Variants in MRE11 observed in about 807,000 individuals in gnomAD.
MRE11 encodes double-strand break repair protein MRE11.
MRE11 carries 62 observed loss-of-function variants against 91.7 expected under a neutral mutation model. The ratio of observed to expected loss-of-function variants is 0.68; its 90% CI spans 0.55 to 0.84. The LOEUF is 0.84. Ranked by LOEUF, MRE11 falls within the 40% of genes least tolerant of loss-of-function variation. The pLI is 0.00. For missense variants in MRE11, 796 were observed against 852.9 expected, an observed-to-expected ratio of 0.93 and a Z score of 0.83; for synonymous variants, 273 against 271.4, an observed-to-expected ratio of 1.01 and a Z score of -0.06.
chr11:94,500,147 A>G, the MRE11 span, among the ~76,000 whole-genome samples: 354 of 152,300 alleles, frequency 2.3e-3, 2 homozygotes, highest in African/African-American at 8.1e-3. Flanking sequence ...ATCCAAGCAG[A>G]CTGCTGAATG....
At chr11:94,496,880 T>C, upstream of MRE11, 1 of 1,613,420 alleles carries the variant, frequency 6.2e-7, no homozygotes, top group Non-Finnish European at 8.5e-7. Context: ...TGAAGAGTGG[T>C]ATCGATTGCA....
chr11:94,419,385 C>T lies in MRE11; in HGVS notation c.*740G>A, dbSNP rs1255215800. 5 of 231,910 alleles carry T rather than the reference C, an allele frequency of 2.2e-5. No individual in the cohort carries two copies. Among genetic ancestry groups the T allele is most frequent in the Non-Finnish European group, 4.2e-5 (5 of 117,732 alleles). 14.4% of individuals were successfully genotyped at this position (231,910 alleles called of 1,614,324 possible). A position where few individuals can be genotyped will look rare whatever the true frequency, so the allele number is the denominator to read the frequency against. On this transcript the variant is annotated 3_prime_UTR_variant, in exon 20 of 20. Coordinates refer to ENST00000323929, the MANE Select transcript of MRE11 (RefSeq NM_005591.4). ...TAAAACAATTTTTAACCCGTTTCCTCCTAGAACTAGGCACGCATATATGTA... is the reference window on the plus strand; with the variant it reads ...TAAAACAATTTTTAACCCGTTTCCTTCTAGAACTAGGCACGCATATATGTA...
chr11:94,459,700 G>T, intron 12 of MRE11, 119 bp from the exon 13 acceptor site: 1 of 1,087,300 alleles, frequency 9.2e-7, no homozygotes, highest in Non-Finnish European at 1.3e-6. Flanking sequence ...AACAGCTGTA[G>T]TTAAGCCTAC....
chr11:94,447,518 G>T, intron 14 of MRE11, 80 bp from the exon 15 acceptor site: 1 of 1,346,862 alleles, frequency 7.4e-7, no homozygotes, highest in Non-Finnish European at 1.1e-6. Flanking sequence ...GCATTGACAT[G>T]AACTAATCAT....
At chr11:94,475,033 C>T (rs1240926443) in intron 7 of MRE11, among the ~76,000 whole-genome samples, 1 of 152,114 alleles carries the variant, frequency 6.6e-6, no homozygotes, top group Non-Finnish European at 1.5e-5. Flanking sequence ...TAAGGTAACA[C>T]AAGTCAGCCT....
At position 94,415,824 on chromosome 11, in the gene MRE11, T is replaced by G. The variant is rs1261966345; in HGVS notation, c.*4301A>C. On this transcript the variant is annotated 3_prime_UTR_variant, in exon 20 of 20. Transcript: ENST00000323929. ...GGTTCTTATCGATTGATGGATAGAT[T>G]GATTGAGACAGAGTCTTGCTCTGTT... is the stretch of plus-strand genomic sequence containing the variant. 6.6e-6 allele frequency: 1 copy of G among 152,238 alleles called. No individual in the cohort carries two copies. The highest frequency in any genetic ancestry group is 1.5e-5 in the Non-Finnish European group (1 of 68,072). 9.4% of individuals were successfully genotyped at this position (152,238 alleles called of 1,614,324 possible).
intron 14 of MRE11, among the ~76,000 whole-genome samples, chr11:94,449,460 G>A (rs1260596187): frequency 2.0e-5 from 3 of 152,108 alleles, no homozygotes; most frequent in Admixed American, 6.5e-5. Context: ...CAACACTCAC[G>A]ATACTTTTGG....
chr11:94,420,159 A>G lies in MRE11; in HGVS notation c.2093T>C (p.Met698Thr), dbSNP rs1945133002. The G allele has an allele frequency of 6.3e-7, 1 of 1,582,560 alleles. No individual in the cohort carries two copies. The highest frequency in any genetic ancestry group is 8.6e-7 in the Non-Finnish European group (1 of 1,157,522). ...ATTTCTTCTTAAAGAACTAGTGTTCATAAAAGGATCATCATCATCATCCTG... is the reference window on the plus strand; with the variant it reads ...ATTTCTTCTTAAAGAACTAGTGTTCGTAAAAGGATCATCATCATCATCCTG... The part of the protein sequence containing the change: ...SSEDDDDDPF[M>T]NTSSLRRNRR The change falls in exon 20 of 20, where the codon ATG becomes ACG. Residue 698 changes from methionine to threonine, a missense_variant. Transcript: ENST00000323929.
chr11:94,459,667 G>C, intron 12 of MRE11, 86 bp from the exon 13 acceptor site: 1 of 1,397,166 alleles, frequency 7.2e-7, no homozygotes, highest in Non-Finnish European at 9.9e-7. Context: ...TACCAAATAT[G>C]TTACCAGAGA....
chr11:94,490,871 T>C lies in MRE11; in HGVS notation c.115A>G (p.Thr39Ala). ...DAVRGNDTFV[T>A]LDEILRLAQE... is the part of the protein sequence containing the mutation. Reference sequence around the variant, plus strand: ...GCAAGTCTTAAAATTTCATCGAGTGTTACAAACGTATCATTTCCTCTGACT... The same window carrying C: ...GCAAGTCTTAAAATTTCATCGAGTGCTACAAACGTATCATTTCCTCTGACT... Residue 39 changes from threonine (T) to alanine (A), a missense_variant, in exon 3 of 20, where the codon ACA becomes GCA. By Grantham distance (58) the Thr-to-Ala change is moderately conservative. Transcript: ENST00000323929. 1.9e-6 allele frequency: 3 copies of C among 1,613,518 alleles called. No homozygotes were observed. The highest frequency in any genetic ancestry group is 2.5e-6 in the Non-Finnish European group (3 of 1,179,696).
intron 17 of MRE11, among the ~76,000 whole-genome samples, chr11:94,436,411 A>C (rs1945615786): frequency 6.6e-6 from 1 of 152,246 alleles, no homozygotes; most frequent in African/African-American, 2.4e-5. Flanking sequence ...TTATCTTGAC[A>C]TTTGATACAT....
intron 14 of MRE11, among the ~76,000 whole-genome samples, chr11:94,453,258 T>C (rs1407007330): frequency 5.9e-5 from 9 of 152,358 alleles, no homozygotes; most frequent in Admixed American, 1.3e-4. Context: ...TTTCCACTTT[T>C]CGGCTATTGT....
intron 10 of MRE11, among the ~76,000 whole-genome samples, chr11:94,464,712 T>A (rs1036768801): frequency 1.3e-5 from 2 of 152,214 alleles, no homozygotes; most frequent in African/African-American, 4.8e-5. Context: ...GAATCAAATC[T>A]GTGAGCCTTG....
upstream of MRE11, chr11:94,498,416 C>T (rs757456453): frequency 6.2e-7 from 1 of 1,613,452 alleles, no homozygotes; most frequent in Non-Finnish European, 8.5e-7. Context: ...TTACGTCAAA[C>T]CAGGGCTGAA....
At chr11:94,504,648 G>A in the MRE11 span, among the ~76,000 whole-genome samples, 9 of 152,240 alleles carry the variant, frequency 5.9e-5, no homozygotes, top group South Asian at 2.1e-4. Context: ...CTACTTTTCC[G>A]AAGAAAAACG....
chr11:94,491,108 C>G lies in MRE11; in HGVS notation c.21-143G>C, dbSNP rs1009455. ...TTAGCCTTAGAGTTCATCTGAAAAT[C>G]TGAAGTATTCAACGTTATCATTAAC... On this transcript the variant is annotated intron_variant, in intron 2 of 19. Transcript: ENST00000323929. The G allele has an allele frequency of 0.02, 12,538 of 623,782 alleles. 344 individuals carry two copies. The highest frequency in any genetic ancestry group is 0.085 in the African/African-American group (4,634 of 54,386). 38.6% of individuals were successfully genotyped at this position (623,782 alleles called of 1,614,324 possible).
chr11:94,424,774 T>G (rs1945263933), intron 19 of MRE11, among the ~76,000 whole-genome samples: 1 of 151,226 alleles, frequency 6.6e-6, no homozygotes, highest in African/African-American at 2.4e-5. Context: ...GTTCTTCAAA[T>G]CTACTTGGTC....
chr11:94,474,328 T>A (rs987130627), intron 7 of MRE11, among the ~76,000 whole-genome samples: 1 of 151,956 alleles, frequency 6.6e-6, no homozygotes, highest in Admixed American at 6.6e-5. Flanking sequence ...TGGGAAGACA[T>A]TGAAAGGACA....
intron 12 of MRE11, among the ~76,000 whole-genome samples, chr11:94,460,367 C>T (rs575279487): frequency 6.6e-6 from 1 of 152,148 alleles, no homozygotes; most frequent in African/African-American, 2.4e-5. Context: ...ATACTTATGA[C>T]GTAAGTTTCA....
Sources: allele counts gnomAD v4.1 joint callset (sites outside exome capture counted in the v4.1 genomes callset), GRCh38; gene constraint gnomAD v4.1.1; transcripts MANE v1.5; gene names NCBI Gene and HGNC (gene_info 2026-07-23, HGNC 2026-07-21).